Variants in FREM1 observed in about 807,000 individuals in gnomAD.
FREM1 encodes the protein FRAS1 related extracellular matrix 1, also known as FRAS1-related extracellular matrix protein 1.
A neutral mutation model predicts 210.1 loss-of-function variants in FREM1; 220 were observed. That is an observed-to-expected ratio of 1.05 (90% CI 0.94 to 1.17). The LOEUF (loss-of-function observed/expected upper bound fraction) is 1.17, where lower values mean the gene tolerates loss of function less well. Among genes scored for constraint, FREM1 ranks in the 50% most tolerant of loss-of-function variants. The pLI, the probability that FREM1 is intolerant of heterozygous loss-of-function variation, is 0.00. For missense variants in FREM1, 3,454 were observed against 2,675.5 expected (o/e 1.29, Z -6.42); for synonymous variants, 1,189 against 980.2 (o/e 1.21, Z -3.98).
At chr9:14,769,898 G>T (rs1847218222) in intron 26 of FREM1, 30 bp from the exon 27 acceptor site, 2 of 1,129,392 alleles carry the variant, frequency 1.8e-6, no homozygotes, top group Admixed American at 2.5e-5. Flanking sequence ...AATATCATGG[G>T]TAATCAAACA....
At position 14,823,122 on chromosome 9, in the gene FREM1, T is replaced by G. The variant is rs762294103; in HGVS notation, c.2337+38A>C. On this transcript the variant is annotated intron_variant, in intron 13 of 36. Transcript: ENST00000380880. ...AGGTCTTCAAGTCTCTCCTTTCTTT[T>G]CCTCCTTTTCATCCTCTATATAGAA... 4 of 1,510,880 alleles carry G rather than the reference T, an allele frequency of 2.6e-6. No individual in the cohort carries two copies. The East Asian group carries it at 6.9e-5, about 26-fold the overall frequency. 93.6% of individuals were successfully genotyped at this position (1,510,880 alleles called of 1,614,324 possible). A position where few individuals can be genotyped will look rare whatever the true frequency, so the allele number is the denominator to read the frequency against.
Position 14,859,497 on chromosome 9 carries a change from C to A in FREM1, c.330-13G>T. ...TCTTTCAGTAAATCTGTGGAGAACACAGGGCAAAAGCAATATTAATTGGTG... is the reference window on the plus strand; with the variant it reads ...TCTTTCAGTAAATCTGTGGAGAACAAAGGGCAAAAGCAATATTAATTGGTG... On this transcript the variant is annotated splice_polypyrimidine_tract_variant and intron_variant, in intron 3 of 36. Transcript: ENST00000380880. 6.2e-7 allele frequency: 1 copy of A among 1,602,768 alleles called. No homozygotes were observed. The highest frequency in any genetic ancestry group is 8.5e-7 in the Non-Finnish European group (1 of 1,173,424).
intron 10 of FREM1, among the ~76,000 whole-genome samples, chr9:14,829,343 G>T (rs1823103557): frequency 6.6e-6 from 1 of 152,152 alleles, no homozygotes; most frequent in South Asian, 2.1e-4. Context: ...CTGGCATCAT[G>T]GGTCTTTTCC....
intron 2 of FREM1, among the ~76,000 whole-genome samples, chr9:14,864,923 C>G (rs1158588127): frequency 6.6e-6 from 1 of 152,188 alleles, no homozygotes; most frequent in Non-Finnish European, 1.5e-5. Context: ...TTCCCCATAT[C>G]ATTGACAAAT....
intron 6 of FREM1, chr9:14,850,608 T>C (rs949271042): frequency 4.6e-5 from 7 of 152,088 alleles, no homozygotes; most frequent in African/African-American, 1.7e-4. Context: ...AAATAGCTAA[T>C]GCATGCTGGG....
chr9:14,805,148 T>C lies in FREM1; in HGVS notation c.3279A>G (p.Ser1093=), dbSNP rs1447020203. The stretch of plus-strand genomic sequence containing the variant: ...AAGCGTTCATGTCTTTCCACTGAAA[T>C]GAATCTAGAGCACACCAAGATGGAA... ...EKSNIGISID[S]FQWKDMNAFH... Residue 1093 remains serine, a synonymous_variant, in exon 19 of 37, where the codon TCA becomes TCG. Coordinates refer to ENST00000380880, the MANE Select transcript of FREM1 (RefSeq NM_001379081.2). 3.2e-6 allele frequency: 5 copies of C among 1,561,964 alleles called. No individual in the cohort carries two copies. Among genetic ancestry groups the C allele is most frequent in the Middle Eastern group, 1.7e-4 (1 of 5,852 alleles).
intron 7 of FREM1, among the ~76,000 whole-genome samples, chr9:14,846,690 T>A (rs1396617461): frequency 6.6e-6 from 1 of 152,182 alleles, no homozygotes; most frequent in African/African-American, 2.4e-5. Flanking sequence ...CTATTTTTAT[T>A]TTTAGTACTA....
chr9:14,877,741 G>A (rs1209473082), intron 1 of FREM1, among the ~76,000 whole-genome samples: 2 of 152,122 alleles, frequency 1.3e-5, no homozygotes, highest in African/African-American at 2.4e-5. Flanking sequence ...TTCTTCCTAA[G>A]TCAAGCCCCT....
chr9:14,787,762 C>T (rs1007698587), intron 23 of FREM1, among the ~76,000 whole-genome samples: 1 of 152,172 alleles, frequency 6.6e-6, no homozygotes, highest in Admixed American at 6.5e-5. Context: ...CTCTAATACA[C>T]TAGTTGTCTG....
chr9:14,871,839 T>C (rs1470727177), intron 1 of FREM1, among the ~76,000 whole-genome samples: 2 of 152,340 alleles, frequency 1.3e-5, no homozygotes, highest in African/African-American at 4.8e-5. Flanking sequence ...TTAATTTTTG[T>C]ATGAGGTGTA....
intron 1 of FREM1, among the ~76,000 whole-genome samples, chr9:14,886,257 C>G (rs79836561): frequency 2.6e-5 from 4 of 151,894 alleles, no homozygotes; most frequent in Non-Finnish European, 5.9e-5. Flanking sequence ...TGATGGCACA[C>G]GCCTGTAAAT....
chr9:14,849,721 G>A (rs944414884), intron 6 of FREM1, among the ~76,000 whole-genome samples: 7 of 152,226 alleles, frequency 4.6e-5, no homozygotes, highest in African/African-American at 1.7e-4. Flanking sequence ...AGGGCTTCCA[G>A]TCCACACAAC....
intron 35 of FREM1, among the ~76,000 whole-genome samples, chr9:14,741,091 CATA>C (rs1278445024): frequency 6.6e-6 from 1 of 151,884 alleles, no homozygotes; most frequent in Non-Finnish European, 1.5e-5. Flanking sequence ...GTCAATTAAA[CATA>C]AAATTAAATT....
intron 1 of FREM1, among the ~76,000 whole-genome samples, chr9:14,890,195 T>C (rs1195086695): frequency 6.6e-6 from 1 of 152,252 alleles, no homozygotes; most frequent in African/African-American, 2.4e-5. Context: ...AGGCACCCTA[T>C]TTGGGGATAC....
At chr9:14,771,685 T>A (rs1435685728) in intron 25 of FREM1, among the ~76,000 whole-genome samples, 2 of 152,190 alleles carry the variant, frequency 1.3e-5, no homozygotes, top group African/African-American at 4.8e-5. Flanking sequence ...CTTAATTTCA[T>A]TTACACCAAC....
intron 36 of FREM1, among the ~76,000 whole-genome samples, chr9:14,738,682 G>A (rs760544658): frequency 1.1e-4 from 17 of 152,138 alleles, no homozygotes; most frequent in African/African-American, 2.7e-4. Flanking sequence ...ACTTTGATGC[G>A]CCCTGAAAAT....
Position 14,806,701 on chromosome 9 carries a change from AG to A in FREM1, c.3233del (p.Pro1078LeufsTer12). On this transcript the variant is annotated frameshift_variant, in exon 18 of 37. Transcript: ENST00000380880. LOFTEE classifies it high-confidence loss of function. Reference protein sequence around the residue: ...PQFGYLENILPSVGFEKSNIG... With the variant: ...PQFGYLENILXSVGFEKSNIG... ...TATTGCTTTTTTCAAAACCCACAGA[AG>A]GGAGTATATTTTCGAGGTAGCCAAA... 6.2e-7 allele frequency: 1 copy of A among 1,603,246 alleles called. No individual in the cohort carries two copies. Among genetic ancestry groups the A allele is most frequent in the East Asian group, 2.2e-5 (1 of 44,776 alleles).
chr9:14,797,301 C>T (rs117899256), intron 21 of FREM1, among the ~76,000 whole-genome samples, 197 bp downstream of exon 21: 17 of 152,204 alleles, frequency 1.1e-4, no homozygotes, highest in East Asian at 5.8e-4. Context: ...AGTAATTAAA[C>T]GGCTGATTGT....
intron 24 of FREM1, among the ~76,000 whole-genome samples, chr9:14,777,901 T>C (rs1413351510): frequency 6.6e-6 from 1 of 152,174 alleles, no homozygotes. Context: ...GGCTGAGTAC[T>C]GATATTGCTT....
Sources: gnomAD v4.1 joint callset for allele counts (sites outside exome capture counted in the v4.1 genomes callset) on GRCh38, gnomAD v4.1.1 for gene constraint, MANE v1.5 for transcripts, NCBI Gene and HGNC (gene_info 2026-07-23, HGNC 2026-07-21) for gene names.